The following OR6N1 variants were observed in gnomAD, a reference collection of about 807,000 sequenced individuals.
The protein encoded by OR6N1 is olfactory receptor 6N1.
For missense variants in OR6N1, 394 were observed against 371.7 expected, an observed-to-expected ratio of 1.06 and a Z score of -0.49; for synonymous variants, 170 against 150.7, an observed-to-expected ratio of 1.13 and a Z score of -0.94.
the OR6N1 span, among the ~76,000 whole-genome samples, chr1:158,804,894 T>C: frequency 6.6e-6 from 1 of 152,128 alleles, no homozygotes; most frequent in Non-Finnish European, 1.5e-5. Flanking sequence ...CACTGTTGCT[T>C]CCCTTAAGAT....
chr1:158,802,399 A>G, the OR6N1 span, among the ~76,000 whole-genome samples: 11 of 151,876 alleles, frequency 7.2e-5, no homozygotes, highest in East Asian at 1.7e-3. Context: ...TAGTAGAGAC[A>G]GGGTTTCACC....
the OR6N1 span, among the ~76,000 whole-genome samples, chr1:158,807,421 T>A: frequency 6.6e-6 from 1 of 152,208 alleles, no homozygotes; most frequent in Non-Finnish European, 1.5e-5. Flanking sequence ...CTCACTAATT[T>A]ATCTGACCAT....
At chr1:158,787,635 T>TCACACACACA in the OR6N1 span, among the ~76,000 whole-genome samples, 26 of 134,202 alleles carry the variant, frequency 1.9e-4, no homozygotes, top group African/African-American at 5.9e-4. Flanking sequence ...TCTCTCTCTC[T>TCACACACACA]CACACACACA....
At chr1:158,799,006 G>A in the OR6N1 span, among the ~76,000 whole-genome samples, 1 of 152,134 alleles carries the variant, frequency 6.6e-6, no homozygotes, top group Non-Finnish European at 1.5e-5. Context: ...GGAGTAGACG[G>A]CTGGTTCTCA....
At chr1:158,838,281 G>A in the OR6N1 span, among the ~76,000 whole-genome samples, 2 of 151,942 alleles carry the variant, frequency 1.3e-5, no homozygotes, top group African/African-American at 2.4e-5. Flanking sequence ...TAGTGGTAAT[G>A]AAATCCTTCA....
the OR6N1 span, among the ~76,000 whole-genome samples, chr1:158,830,839 T>C: frequency 3.5e-4 from 53 of 152,348 alleles, no homozygotes; most frequent in African/African-American, 1.1e-3. Context: ...ATATTCATAA[T>C]GACTTTCTGC....
the OR6N1 span, among the ~76,000 whole-genome samples, chr1:158,811,807 C>G: frequency 3.3e-5 from 5 of 152,146 alleles, no homozygotes; most frequent in Non-Finnish European, 5.9e-5. Context: ...CTCTTCATAC[C>G]AACCTGAAAA....
At chr1:158,766,756 A>G (rs1657286665) in intron 1 of OR6N1, 56 bp from the exon 2 acceptor site, 2 of 1,099,580 alleles carry the variant, frequency 1.8e-6, no homozygotes, top group African/African-American at 1.6e-5. Flanking sequence ...GGTTCTAACA[A>G]GAAGGCAACC....
chr1:158,812,500 G>A, the OR6N1 span, among the ~76,000 whole-genome samples: 10 of 152,266 alleles, frequency 6.6e-5, no homozygotes, highest in Non-Finnish European at 1.3e-4. Context: ...AAAGAATGAG[G>A]CCTTCTGCCT....
At chr1:158,828,032 T>C in the OR6N1 span, among the ~76,000 whole-genome samples, 1 of 152,316 alleles carries the variant, frequency 6.6e-6, no homozygotes, top group African/African-American at 2.4e-5. Context: ...TTGTGAGATC[T>C]ATTTACTATT....
chr1:158,765,692 C>T lies in OR6N1; in HGVS notation c.*52G>A. 1.4e-6 allele frequency: 2 copies of T among 1,445,054 alleles called. No homozygotes were observed. Among genetic ancestry groups the T allele is most frequent in the Non-Finnish European group, 1.9e-6 (2 of 1,044,316 alleles). The allele number at this position is 1,445,054 out of a possible 1,614,324, so 89.5% of individuals were successfully genotyped here. ...TTCTCGTCTCTGGCCACTGTTGATC[C>T]CTGGGGCCACCATATCCTCAGGCCC... On this transcript the variant is annotated 3_prime_UTR_variant, in exon 2 of 2. Coordinates refer to ENST00000641846, the MANE Select transcript of OR6N1 (RefSeq NM_001005185.2).
rs910285465 is a variant in OR6N1, at chr1:158,766,240, C to T, written c.443G>A (p.Cys148Tyr). The change falls in exon 2 of 2, where the codon TGT becomes TAT. Residue 148 changes from cysteine to tyrosine, a missense_variant. Transcript: ENST00000641846. ...TGGCCCAGCCAAGCCTCCCAACCAA[C>T]AGCCAATGGCAATCTCTGCACAAAG... ...PTLCAEIAIG[C>Y]WLGGLAGPVV... 1.3e-5 allele frequency: 21 copies of T among 1,613,982 alleles called. No homozygotes were observed. Among genetic ancestry groups the T allele is most frequent in the African/African-American group, 5.3e-5 (4 of 74,912 alleles).
chr1:158,799,251 G>A, the OR6N1 span, among the ~76,000 whole-genome samples: 3 of 152,276 alleles, frequency 2.0e-5, no homozygotes, highest in Admixed American at 6.5e-5. Flanking sequence ...TGTTCACCAC[G>A]TTAGCCAAAG....
At position 158,772,190 on chromosome 1, in the gene OR6N1, T is replaced by C. The variant is rs1657439470; in HGVS notation, c.-188A>G. On this transcript the variant is annotated 5_prime_UTR_variant, in exon 1 of 2. Transcript: ENST00000641846. ...GAGGGGTTGAAGTTTATCACTTTGA[T>C]GGAACCTGTGGGAATAAGTTAAACC... is the stretch of plus-strand genomic sequence containing the variant. 1 of 152,202 alleles carries C rather than the reference T, an allele frequency of 6.6e-6. No individual in the cohort carries two copies. Among genetic ancestry groups the C allele is most frequent in the Admixed American group, 6.5e-5 (1 of 15,278 alleles). The allele number at this position is 152,202 out of a possible 1,614,324, so 9.4% of individuals were successfully genotyped here.
chr1:158,777,669 A>G, the OR6N1 span: 4 of 1,407,212 alleles, frequency 2.8e-6, no homozygotes, highest in Non-Finnish European at 2.0e-6. Context: ...AGAAGAAAAC[A>G]TTGGATTGAG....
chr1:158,775,639 A>G (rs1657573037), upstream of OR6N1: 1 of 152,244 alleles, frequency 6.6e-6, no homozygotes, highest in Non-Finnish European at 1.5e-5. Context: ...GAGCATGGGT[A>G]GAATATTATT....
the OR6N1 span, among the ~76,000 whole-genome samples, chr1:158,798,518 A>T: frequency 6.6e-6 from 1 of 151,780 alleles, no homozygotes; most frequent in Admixed American, 6.6e-5. Flanking sequence ...AAACATATGG[A>T]CATGTGAAAT....
chr1:158,771,347 C>T (rs1470360640), intron 1 of OR6N1, among the ~76,000 whole-genome samples: 1 of 152,106 alleles, frequency 6.6e-6, no homozygotes, highest in East Asian at 1.9e-4. Context: ...CATGTCCTAC[C>T]TCCTAGAGTA....
the OR6N1 span, among the ~76,000 whole-genome samples, chr1:158,822,929 A>T: frequency 6.6e-6 from 1 of 152,156 alleles, no homozygotes; most frequent in Non-Finnish European, 1.5e-5. Flanking sequence ...CAGATGCTGA[A>T]TTTTATCAAA....
Sources: gnomAD v4.1 joint callset for allele counts (sites outside exome capture counted in the v4.1 genomes callset) on GRCh38, gnomAD v4.1.1 for gene constraint, MANE v1.5 for transcripts, NCBI Gene and HGNC (gene_info 2026-07-23, HGNC 2026-07-21) for gene names.